LTBP3: variants seen among roughly 807,000 people sequenced by gnomAD.
LTBP3 encodes the protein latent-transforming growth factor beta-binding protein 3.
In LTBP3, 97 loss-of-function variants were observed where a neutral mutation model predicts 159.7. That is an observed-to-expected ratio of 0.61 (90% CI 0.52 to 0.72). LTBP3 has a LOEUF of 0.72. Among genes scored for constraint, LTBP3 ranks in the 30% least tolerant of loss-of-function variants. LTBP3 has a pLI of 0.00. For synonymous variants in LTBP3, 824 were observed against 777.1 expected, an observed-to-expected ratio of 1.06 and a Z score of -1.00; for missense variants, 1,584 against 1,864.3, an observed-to-expected ratio of 0.85 and a Z score of 2.77.
At position 65,539,223 on chromosome 11, in the gene LTBP3, C is replaced by A; in HGVS notation, c.3769G>T (p.Glu1257Ter). ...ASRARCVDID[E>*]CRELNQRGLL... is the part of the protein sequence containing the mutation. ...CCGCGCTGGTTCAGCTCTCGGCACTCGTCGATATCTGAAGGTGAGGGCGAC... is the reference window on the plus strand; with the variant it reads ...CCGCGCTGGTTCAGCTCTCGGCACTAGTCGATATCTGAAGGTGAGGGCGAC... The change falls in exon 28 of 28, where the codon GAG (glutamate) becomes TAG (stop). Residue 1257 changes from glutamate (E) to a stop codon, truncating the protein, a stop_gained. Coordinates refer to ENST00000301873, the MANE Select transcript of LTBP3 (RefSeq NM_001130144.3). LOFTEE classifies it high-confidence loss of function. The A allele has an allele frequency of 6.5e-7, 1 of 1,527,164 alleles. No individual in the cohort carries two copies. The allele number at this position is 1,527,164 out of a possible 1,614,324, so 94.6% of individuals were successfully genotyped here.
At position 65,539,047 on chromosome 11, in the gene LTBP3, C is replaced by G; in HGVS notation, c.*33G>C. 7.4e-7 allele frequency: 1 copy of G among 1,348,238 alleles called. No homozygotes were observed. Among genetic ancestry groups the G allele is most frequent in the Non-Finnish European group, 9.5e-7 (1 of 1,051,988 alleles). 83.5% of individuals were successfully genotyped at this position (1,348,238 alleles called of 1,614,324 possible). A position where few individuals can be genotyped will look rare whatever the true frequency, so the allele number is the denominator to read the frequency against. On this transcript the variant is annotated 3_prime_UTR_variant, in exon 28 of 28. Coordinates refer to ENST00000301873, the MANE Select transcript of LTBP3 (RefSeq NM_001130144.3). The stretch of plus-strand genomic sequence containing the variant: ...GCTCGCGGAAATCCCTCAGTGATCA[C>G]CGAGGTCTGGGCCGAGGGCGGCGTC...
rs775020033 is a variant in LTBP3 at position 65,538,582 on chromosome 11, C to G, written c.*498G>C. The G allele has an allele frequency of 1.2e-6, 2 of 1,605,988 alleles. No individual in the cohort carries two copies. Among genetic ancestry groups the G allele is most frequent in the African/African-American group, 2.7e-5 (2 of 74,838 alleles). On this transcript the variant is annotated 3_prime_UTR_variant, in exon 28 of 28. Transcript: ENST00000301873. ...GCTGGACTGAACCGTGGCGGTGGCC[C>G]TTCCCGGCTGCGGAGAGCCCGCCCC...
In LTBP3 at chr11:65,552,065, G is replaced by C. The variant is rs1856632338; in HGVS notation, c.1438C>G (p.Leu480Val). ...LTIQGESDFS[L>V]FLHPDGPPKP... The stretch of plus-strand genomic sequence containing the variant: ...GGTGGCCCGTCAGGGTGCAGGAAAA[G>C]GGAAAAGTCACTCTCGCCCTGAATG... The change falls in exon 8 of 28, where the codon CTT becomes GTT. Residue 480 changes from leucine (L) to valine (V), a missense_variant. Transcript: ENST00000301873. The surrounding 1 kb of genome is among the most constrained non-coding windows in gnomAD (Gnocchi z 6.0). 1.2e-6 allele frequency: 2 copies of C among 1,614,124 alleles called. No homozygotes were observed. The highest frequency in any genetic ancestry group is 1.7e-6 in the Non-Finnish European group (2 of 1,179,996).
In LTBP3 at chr11:65,541,746, C is replaced by T. The variant is rs1366404774; in HGVS notation, c.2597-18G>A. On this transcript the variant is annotated intron_variant, in intron 18 of 27. Coordinates refer to ENST00000301873, the MANE Select transcript of LTBP3 (RefSeq NM_001130144.3). Reference sequence around the variant, plus strand: ...ATCTATGTCTGCGGGGCAAGAGTAGCGCAGCTGGAAACCCAGCCCCTCTTT... The same window carrying T: ...ATCTATGTCTGCGGGGCAAGAGTAGTGCAGCTGGAAACCCAGCCCCTCTTT... The T allele has an allele frequency of 1.8e-5, 29 of 1,613,748 alleles. No homozygotes were observed. Among genetic ancestry groups the T allele is most frequent in the Non-Finnish European group, 2.1e-5 (25 of 1,179,872 alleles).
In LTBP3 at chr11:65,539,528, C is replaced by T; in HGVS notation, c.3628+20G>A. The T allele has an allele frequency of 6.2e-7, 1 of 1,610,416 alleles. No homozygotes were observed. The highest frequency in any genetic ancestry group is 1.7e-5 in the Admixed American group (1 of 59,726). ...CCAAAGGCTACCAACCCCGCCACCG[C>T]CCGACCCGGCAGCACTCACCTCTTG... On this transcript the variant is annotated intron_variant, in intron 26 of 27. Transcript: ENST00000301873.
At position 65,547,809 on chromosome 11, in the gene LTBP3, C is replaced by T; in HGVS notation, c.1859G>A (p.Cys620Tyr). The T allele has an allele frequency of 1.2e-6, 2 of 1,613,310 alleles. No homozygotes were observed. Among genetic ancestry groups the T allele is most frequent in the Non-Finnish European group, 1.7e-6 (2 of 1,179,910 alleles). Residue 620 changes from cysteine to tyrosine, a missense_variant, in exon 13 of 28, where the codon TGC (cysteine) becomes TAC (tyrosine). Around this residue, in one of 6 missense-constraint regions of LTBP3, gnomAD observed 565 missense variants for 677.7 expected, o/e 0.83. Transcript: ENST00000301873. The surrounding 1 kb of genome is among the most constrained non-coding windows in gnomAD (Gnocchi z 4.6). ...QHRYCVDVNE[C>Y]EAEPCGPGRG... Reference sequence around the variant, plus strand: ...CCCCGGGCCACAGGGCTCTGCCTCGCACTCGTTCACATCTGAGAAGAACGG... The same window carrying T: ...CCCCGGGCCACAGGGCTCTGCCTCGTACTCGTTCACATCTGAGAAGAACGG...
Position 65,540,453 on chromosome 11 carries a change from G to T in LTBP3, c.3106+33C>A, listed in dbSNP as rs534174825. On this transcript the variant is annotated intron_variant, in intron 22 of 27. Transcript: ENST00000301873. ...GCGCGGTGGCGCGTGTCTCCCTGCC[G>T]CTTCCCCACGGCCGCCGGGGGGCGG... The T allele has an allele frequency of 1.9e-6, 3 of 1,611,924 alleles. No homozygotes were observed. In the South Asian group the frequency reaches 3.3e-5, roughly 18 times the overall value.
intron 16 of LTBP3, chr11:65,543,813 G>C: frequency 1.9e-6 from 1 of 520,046 alleles, no homozygotes; most frequent in South Asian, 2.1e-5. Context: ...TTTCACTGCT[G>C]CTCCCACCCT....
intron 11 of LTBP3, among the ~76,000 whole-genome samples, chr11:65,550,117 A>T (rs1856547443): frequency 6.6e-6 from 1 of 151,870 alleles, no homozygotes; most frequent in Admixed American, 6.6e-5. Context: ...TGCTATGAAA[A>T]ACTAAATCAG....
chr11:65,543,755 T>A, intron 16 of LTBP3: 1 of 622,898 alleles, frequency 1.6e-6, no homozygotes, highest in Non-Finnish European at 2.8e-6. Context: ...GGTCTGATGC[T>A]AAAGAGCCTC....
intron 11 of LTBP3, among the ~76,000 whole-genome samples, chr11:65,549,567 C>CTTTTTT (rs748132211): frequency 4.6e-5 from 3 of 64,740 alleles, no homozygotes; most frequent in African/African-American, 1.4e-4. Flanking sequence ...CCCAGCTAAT[C>CTTTTTT]TTTTTTTTTT....
At chr11:65,542,944 G>GGATGGATGGATGGATGGATGGATA (rs1856209402) in intron 18 of LTBP3, 161 bp downstream of exon 18, 1 of 826,360 alleles carries the variant, frequency 1.2e-6, no homozygotes, top group Non-Finnish European at 2.0e-6. Context: ...ATGGATGGAT[G>GGATGGATGGATGGATGGATGGATA]GATGGATGGA....
intron 21 of LTBP3, 67 bp from the exon 22 acceptor site, chr11:65,540,681 A>G: frequency 7.0e-7 from 1 of 1,423,622 alleles, no homozygotes; most frequent in Non-Finnish European, 9.5e-7. Flanking sequence ...GGCTGGGCGC[A>G]CCACCGGAGC....
Position 65,541,609 on chromosome 11 carries a change from C to T in LTBP3, c.2716G>A (p.Gly906Ser), listed in dbSNP as rs1222519895. 1.9e-6 allele frequency: 3 copies of T among 1,614,014 alleles called. No individual in the cohort carries two copies. Among genetic ancestry groups the T allele is most frequent in the African/African-American group, 2.7e-5 (2 of 74,918 alleles). Residue 906 changes from glycine (G) to serine (S), a missense_variant, in exon 19 of 28, where the codon GGT becomes AGT. This residue lies in a region of LTBP3 where 565 missense variants were observed against 677.7 expected (regional missense o/e 0.83). Transcript: ENST00000301873. The stretch of plus-strand genomic sequence containing the variant: ...CTGGGAGGACACTCACCCTCACAAC[C>T]GTGCTGGTCCTGGGTGGGAGTGAAG... The part of the protein sequence containing the change: ...EGFTPTQDQH[G>S]CEEVEQPHHK...
Position 65,553,610 on chromosome 11 carries a change from C to T in LTBP3, c.865-80G>A. The T allele has an allele frequency of 6.6e-7, 1 of 1,509,612 alleles. No individual in the cohort carries two copies. Among genetic ancestry groups the T allele is most frequent in the Middle Eastern group, 1.7e-4 (1 of 5,868 alleles). 93.5% of individuals were successfully genotyped at this position (1,509,612 alleles called of 1,614,324 possible). On this transcript the variant is annotated intron_variant, in intron 3 of 27. Coordinates refer to ENST00000301873, the MANE Select transcript of LTBP3 (RefSeq NM_001130144.3). This position sits in a 1 kb window ranked among gnomAD's most constrained non-coding sequence, Gnocchi z 6.5. ...GTTAGGGTTGGGCCTTTTCCTCTTC[C>T]CCCGCCCCTCAGTTTTCTGCTATCC...
In LTBP3 at chr11:65,554,874, C is replaced by T. The variant is rs1856754131; in HGVS notation, c.332-494G>A. Among the ~76,000 whole-genome samples, 1 of 152,018 alleles carries T rather than the reference C, an allele frequency of 6.6e-6. No individual in the cohort carries two copies. Among genetic ancestry groups the T allele is most frequent in the South Asian group, 2.1e-4 (1 of 4,818 alleles). On this transcript the variant is annotated intron_variant, in intron 1 of 27. Transcript: ENST00000301873. This position sits in a 1 kb window ranked among gnomAD's most constrained non-coding sequence, Gnocchi z 5.3. ...CTCAGTCCTCTCTGCCTGCTCTCCA[C>T]CCTCTCCCTCTTCACCATCCTGGGG... is the stretch of plus-strand genomic sequence containing the variant.
intron 22 of LTBP3, 36 bp downstream of exon 22, chr11:65,540,450 G>A: frequency 3.7e-6 from 6 of 1,611,774 alleles, no homozygotes; most frequent in African/African-American, 2.7e-5. Context: ...GTGTCTCCCT[G>A]CCGCTTCCCC....
Position 65,540,007 on chromosome 11 carries a change from C to T in LTBP3, c.3385+6G>A, listed in dbSNP as rs1345585745. ...GGGATCGGCCAAGGCCAACCCTCGC[C>T]CTCACCGGCCGGGCTCTCGGGGAGC... is the stretch of plus-strand genomic sequence containing the variant. On this transcript the variant is annotated splice_donor_region_variant and intron_variant, in intron 24 of 27. Coordinates refer to ENST00000301873, the MANE Select transcript of LTBP3 (RefSeq NM_001130144.3). The T allele has an allele frequency of 2.0e-6, 3 of 1,492,088 alleles. No homozygotes were observed. In the African/African-American group the frequency reaches 4.3e-5, roughly 21 times the overall value. 92.4% of individuals were successfully genotyped at this position (1,492,088 alleles called of 1,614,324 possible).
In LTBP3 at chr11:65,558,021, G is replaced by C; in HGVS notation, c.-62C>G. 10 of 1,091,274 alleles carry C rather than the reference G, an allele frequency of 9.2e-6. No individual in the cohort carries two copies. The highest frequency in any genetic ancestry group is 1.1e-5 in the Non-Finnish European group (10 of 898,114). 67.6% of individuals were successfully genotyped at this position (1,091,274 alleles called of 1,614,324 possible). ...CGGGCGGGGCGAGGGGCCCGCGCCC[G>C]AAGGGAGTAGAGGGCCGGGAGCCCC... On this transcript the variant is annotated 5_prime_UTR_variant, in exon 1 of 28. Coordinates refer to ENST00000301873, the MANE Select transcript of LTBP3 (RefSeq NM_001130144.3).
Sources: gnomAD v4.1 joint callset for allele counts (sites outside exome capture counted in the v4.1 genomes callset) on GRCh38, gnomAD v4.1.1 for gene constraint, gnomAD v4.1.1 regional missense constraint, Gnocchi (gnomAD v3.1) non-coding constraint, MANE v1.5 for transcripts, NCBI Gene and HGNC (gene_info 2026-07-23, HGNC 2026-07-21) for gene names.